SCMH1: variants seen among roughly 807,000 people sequenced by gnomAD.
SCMH1 encodes Scm polycomb group protein homolog 1, also known as polycomb protein SCMH1.
SCMH1 carries 37 observed loss-of-function variants against 70.8 expected under a neutral mutation model. The observed-to-expected ratio is 0.52, with a 90% CI of 0.40 to 0.69. The LOEUF (loss-of-function observed/expected upper bound fraction) is 0.69, where lower values mean the gene tolerates loss of function less well. SCMH1 is among the 30% of genes least tolerant of loss of function. The pLI is 0.00. For missense variants in SCMH1, 607 were observed against 827.3 expected (o/e 0.73, Z 3.27); for synonymous variants, 292 against 307.4 (o/e 0.95, Z 0.52).
At chr1:41,225,140 A>G (rs1158128390) in intron 1 of SCMH1, among the ~76,000 whole-genome samples, 1 of 152,226 alleles carries the variant, frequency 6.6e-6, no homozygotes, top group Non-Finnish European at 1.5e-5. Context: ...AATAATTAAT[A>G]TAATTTCAAA....
chr1:41,215,922 T>C (rs1056476259), intron 1 of SCMH1, among the ~76,000 whole-genome samples: 9 of 152,262 alleles, frequency 5.9e-5, no homozygotes, highest in East Asian at 1.9e-4. Context: ...AATGTTAACA[T>C]AGGATTTGGA....
chr1:41,036,411 C>T (rs577574187), intron 13 of SCMH1, among the ~76,000 whole-genome samples: 1 of 152,346 alleles, frequency 6.6e-6, no homozygotes, highest in South Asian at 2.1e-4. Context: ...TTCTTCCTCA[C>T]ATCTGATTAA....
At chr1:41,141,805 A>C (rs185032971) in intron 6 of SCMH1, among the ~76,000 whole-genome samples, 1 of 151,396 alleles carries the variant, frequency 6.6e-6, no homozygotes, top group Admixed American at 6.7e-5. Context: ...GATTCAAAAA[A>C]CTGATTAAAA....
intron 1 of SCMH1, among the ~76,000 whole-genome samples, chr1:41,187,346 C>T (rs564220455): frequency 5.3e-4 from 80 of 151,412 alleles, no homozygotes; most frequent in Admixed American, 1.1e-3. Flanking sequence ...CTTGTAATCC[C>T]GGCTACTCGA....
At chr1:41,060,872 C>A (rs1652380710) in intron 10 of SCMH1, among the ~76,000 whole-genome samples, 1 of 152,048 alleles carries the variant, frequency 6.6e-6, no homozygotes, top group Non-Finnish European at 1.5e-5. Context: ...GGTGCCAAGA[C>A]CTTGTTGCCA....
chr1:41,105,009 G>C (rs1484944249), intron 8 of SCMH1, among the ~76,000 whole-genome samples: 1 of 152,008 alleles, frequency 6.6e-6, no homozygotes, highest in East Asian at 1.9e-4. Flanking sequence ...AGGCTGGAGT[G>C]CAGTGGCACA....
At chr1:41,054,931 G>A (rs142561378) in intron 10 of SCMH1, among the ~76,000 whole-genome samples, 1 of 152,146 alleles carries the variant, frequency 6.6e-6, no homozygotes, top group Non-Finnish European at 1.5e-5. Context: ...CCACAGGTGT[G>A]CATCATCATG....
chr1:41,226,236 A>G (rs1660251536), intron 1 of SCMH1, among the ~76,000 whole-genome samples: 1 of 152,208 alleles, frequency 6.6e-6, no homozygotes, highest in African/African-American at 2.4e-5. Context: ...TACACTTACA[A>G]AATTATTAGT....
At chr1:41,238,757 T>A (rs1006883562) in intron 1 of SCMH1, among the ~76,000 whole-genome samples, 3 of 152,226 alleles carry the variant, frequency 2.0e-5, no homozygotes, top group Admixed American at 1.3e-4. Flanking sequence ...AGTCCCAATA[T>A]CAGACAACTT....
At chr1:41,048,581 C>G (rs1354487885) in intron 11 of SCMH1, 109 bp downstream of exon 11, 5 of 968,932 alleles carry the variant, frequency 5.2e-6, no homozygotes, top group South Asian at 1.5e-5. Flanking sequence ...TCACATTTTT[C>G]CAGAGCCTGC....
chr1:41,077,533 C>A (rs967604985), intron 8 of SCMH1, among the ~76,000 whole-genome samples: 1 of 152,094 alleles, frequency 6.6e-6, no homozygotes, highest in Non-Finnish European at 1.5e-5. Context: ...TGGCTGATCT[C>A]CTCTTAAAGA....
At chr1:41,165,184 G>C (rs1175864374) in intron 2 of SCMH1, among the ~76,000 whole-genome samples, 2 of 151,994 alleles carry the variant, frequency 1.3e-5, no homozygotes, top group African/African-American at 4.8e-5. Context: ...CATCCTCTAG[G>C]TTCATCCACG....
At chr1:41,044,407 C>T (rs1646643871) in intron 12 of SCMH1, among the ~76,000 whole-genome samples, 1 of 151,958 alleles carries the variant, frequency 6.6e-6, no homozygotes, top group Non-Finnish European at 1.5e-5. Context: ...ATGATAATAT[C>T]AGAGGTGGGG....
rs2148681972 is a variant in SCMH1, at chr1:41,046,603, G to A, written c.1307-5C>T. The A allele has an allele frequency of 2.5e-6, 4 of 1,613,564 alleles. No individual in the cohort carries two copies. The highest frequency in any genetic ancestry group is 3.4e-6 in the Non-Finnish European group (4 of 1,179,568). On this transcript the variant is annotated splice_region_variant and splice_polypyrimidine_tract_variant and intron_variant, in intron 11 of 14. Coordinates refer to ENST00000337495, the Ensembl canonical transcript of SCMH1. ...GCTGTTCCCGGTCAAACACGGCTGT[G>A]GAGTGAGTAAACAGGGCCAAGCATG... is the stretch of plus-strand genomic sequence containing the variant.
chr1:41,035,961 A>G (rs1645239902), intron 13 of SCMH1, among the ~76,000 whole-genome samples: 1 of 152,084 alleles, frequency 6.6e-6, no homozygotes. Flanking sequence ...CTCTCCTTCA[A>G]ATACTCTCTG....
intron 1 of SCMH1, among the ~76,000 whole-genome samples, chr1:41,204,332 G>A: frequency 6.6e-6 from 1 of 152,122 alleles, no homozygotes; most frequent in East Asian, 1.9e-4. Flanking sequence ...ATATGATCCT[G>A]TCCTGACTAT....
chr1:41,047,793 T>C (rs1571450379), intron 11 of SCMH1, among the ~76,000 whole-genome samples: 3 of 152,324 alleles, frequency 2.0e-5, no homozygotes, highest in Admixed American at 2.0e-4. Flanking sequence ...CACCACTCTG[T>C]ATACATTTCC....
chr1:41,150,303 G>C (rs1644951645), intron 5 of SCMH1, among the ~76,000 whole-genome samples: 1 of 152,090 alleles, frequency 6.6e-6, no homozygotes, highest in African/African-American at 2.4e-5. Flanking sequence ...AGGAGCTGGA[G>C]ACCAGCCTGG....
intron 11 of SCMH1, among the ~76,000 whole-genome samples, chr1:41,048,109 A>G (rs981211297): frequency 2.0e-5 from 3 of 152,192 alleles, no homozygotes. Flanking sequence ...TTTAGTGGCT[A>G]AACAGGATTT....
Sources: allele counts gnomAD v4.1 joint callset (sites outside exome capture counted in the v4.1 genomes callset), GRCh38; gene constraint gnomAD v4.1.1; transcripts MANE v1.5; gene names NCBI Gene and HGNC (gene_info 2026-07-23, HGNC 2026-07-21).